UNC13C: variants seen among roughly 807,000 people sequenced by gnomAD.
UNC13C encodes the protein protein unc-13 homolog C.
A neutral mutation model predicts 245.4 loss-of-function variants in UNC13C; 174 were observed. The observed-to-expected ratio is 0.71, with a 90% confidence interval of 0.63 to 0.80. UNC13C has a LOEUF of 0.80. Ranked by LOEUF, UNC13C falls within the 30% of genes least tolerant of loss-of-function variation. The pLI, the probability that UNC13C is intolerant of heterozygous loss-of-function variation, is 0.00. For synonymous variants in UNC13C, 992 were observed against 895.1 expected, an observed-to-expected ratio of 1.11 and a Z score of -1.93; for missense variants, 2,829 against 2,602.9, an observed-to-expected ratio of 1.09 and a Z score of -1.89.
rs534793197 is a variant in UNC13C at position 54,358,783 on chromosome 15, A to G, written c.4713+20294A>G. On this transcript the variant is annotated intron_variant, in intron 17 of 32. Coordinates refer to ENST00000260323, the MANE Select transcript of UNC13C (RefSeq NM_001080534.3). ...AACAGGGATAATTTGACTTTCTCCT[A>G]TCCAATTTGGATGCCCTTTATCTCT... 8.5e-5 allele frequency among the ~76,000 whole-genome samples: 13 copies of G among 152,116 alleles called. No homozygotes were observed. In the South Asian group the frequency reaches 2.5e-3, roughly 29 times the overall value.
At chr15:53,895,602 C>T in the UNC13C span, among the ~76,000 whole-genome samples, 1 of 151,850 alleles carries the variant, frequency 6.6e-6, no homozygotes. Flanking sequence ...CATACAAATC[C>T]CTTGTAGACA....
In UNC13C at chr15:54,007,172, C is replaced by T. The variant is rs377543509; in HGVS notation, c.-256-5476C>T. On this transcript the variant is annotated intron_variant, in intron 1 of 32. Coordinates refer to ENST00000260323, the MANE Select transcript of UNC13C (RefSeq NM_001080534.3). ...GTGCTGTTGTATTGAAAAGCAGAGG[C>T]TTTCTTTCTATGTTCTTGTAGGAAA... Among the ~76,000 whole-genome samples the T allele has an allele frequency of 5.9e-5, 9 of 152,186 alleles. No homozygotes were observed. The South Asian group carries it at 1.9e-3, about 31-fold the overall frequency.
chr15:54,379,803 T>C (rs1205517853), intron 17 of UNC13C, among the ~76,000 whole-genome samples: 1 of 152,202 alleles, frequency 6.6e-6, no homozygotes, highest in African/African-American at 2.4e-5. Flanking sequence ...CTGTATAAGT[T>C]GCAATTCACA....
intron 17 of UNC13C, among the ~76,000 whole-genome samples, chr15:54,356,870 T>C (rs1191923835): frequency 6.6e-6 from 1 of 152,180 alleles, no homozygotes; most frequent in Non-Finnish European, 1.5e-5. Flanking sequence ...TTGATAAGTT[T>C]AAACATATTT....
chr15:54,294,194 A>G (rs562000823), intron 11 of UNC13C, 130 bp downstream of exon 11: 235 of 763,902 alleles, frequency 3.1e-4, no homozygotes, highest in Non-Finnish European at 3.7e-4. Context: ...ACTTTAGATG[A>G]TTCATTTCAT....
chr15:54,398,304 C>G (rs556439680), intron 18 of UNC13C, among the ~76,000 whole-genome samples: 1 of 151,472 alleles, frequency 6.6e-6, no homozygotes, highest in South Asian at 2.1e-4. Flanking sequence ...ACAATCTCCA[C>G]ATGGTCTTGA....
In UNC13C at chr15:54,546,833, G is replaced by T. The variant is rs1896504879; in HGVS notation, c.5808G>T (p.Leu1936=). 3.8e-6 allele frequency: 6 copies of T among 1,581,038 alleles called. No individual in the cohort carries two copies. Among genetic ancestry groups the T allele is most frequent in the Non-Finnish European group, 5.2e-6 (6 of 1,163,944 alleles). ...AAAAACAAATTGTTCTTCCTCCTCT[G>T]ACAGATCAAACAGTAAGTATATAAA... ...KIEKQIVLPP[L]TDQTGPQMIF... is the part of the protein sequence containing the mutation. The change falls in exon 27 of 33, where the codon CTG becomes CTT. Residue 1936 remains leucine, a synonymous_variant. Coordinates refer to ENST00000260323, the MANE Select transcript of UNC13C (RefSeq NM_001080534.3).
Position 54,471,313 on chromosome 15 carries a change from T to C in UNC13C, c.4934-23295T>C, listed in dbSNP as rs1050271333. The stretch of plus-strand genomic sequence containing the variant: ...AGGATACTGAAATTCCCTACAATGA[T>C]TGTGTTGCAGTCTGTGTCTCTCTTC... On this transcript the variant is annotated intron_variant, in intron 19 of 32. Transcript: ENST00000260323. Among the ~76,000 whole-genome samples, 4 of 151,786 alleles carry C rather than the reference T, an allele frequency of 2.6e-5. No individual in the cohort carries two copies. The East Asian group carries it at 7.7e-4, about 29-fold the overall frequency.
intron 7 of UNC13C, among the ~76,000 whole-genome samples, chr15:54,247,739 A>G (rs1483909018): frequency 6.6e-6 from 1 of 151,628 alleles, no homozygotes; most frequent in African/African-American, 2.4e-5. Context: ...ATTGCTTTTC[A>G]ATGGGCTGTC....
intron 19 of UNC13C, among the ~76,000 whole-genome samples, chr15:54,480,912 G>A (rs1270048118): frequency 6.6e-6 from 1 of 152,156 alleles, no homozygotes; most frequent in Non-Finnish European, 1.5e-5. Flanking sequence ...CAGATTAGCA[G>A]CAGATTTCTC....
intron 8 of UNC13C, among the ~76,000 whole-genome samples, chr15:54,257,769 C>T (rs528573702): frequency 7.2e-5 from 11 of 152,236 alleles, no homozygotes; most frequent in African/African-American, 2.6e-4. Flanking sequence ...TTTGATTCTA[C>T]AAGAAAAAGG....
At chr15:54,226,653 G>T (rs1412161747) in intron 4 of UNC13C, among the ~76,000 whole-genome samples, 1 of 152,232 alleles carries the variant, frequency 6.6e-6, no homozygotes, top group Non-Finnish European at 1.5e-5. Flanking sequence ...GTGTGTTGGA[G>T]AGCAAGCCTG....
Position 54,622,311 on chromosome 15 carries a change from C to T in UNC13C, c.6107-16C>T, listed in dbSNP as rs1397448472. Reference sequence around the variant, plus strand: ...AGTCTGAAAGCTCAGGCCAGTAAGCCTCTGCTTATTTTCAGGTCGTTCCTC... The same window carrying T: ...AGTCTGAAAGCTCAGGCCAGTAAGCTTCTGCTTATTTTCAGGTCGTTCCTC... On this transcript the variant is annotated splice_polypyrimidine_tract_variant and intron_variant, in intron 30 of 32. Coordinates refer to ENST00000260323, the MANE Select transcript of UNC13C (RefSeq NM_001080534.3). 1.4e-5 allele frequency: 22 copies of T among 1,595,942 alleles called. No individual in the cohort carries two copies. Among genetic ancestry groups the T allele is most frequent in the African/African-American group, 4.0e-5 (3 of 74,614 alleles).
the UNC13C span, among the ~76,000 whole-genome samples, chr15:53,937,521 G>A: frequency 1.3e-5 from 2 of 152,110 alleles, no homozygotes; most frequent in Non-Finnish European, 2.9e-5. Context: ...TCAAATTCAG[G>A]AAATGCAGAG....
At chr15:54,578,996 A>G (rs1898084078) in intron 30 of UNC13C, among the ~76,000 whole-genome samples, 1 of 152,208 alleles carries the variant, frequency 6.6e-6, no homozygotes, top group African/African-American at 2.4e-5. Flanking sequence ...GAAGGGAGAC[A>G]AGACAGGAGC....
At chr15:54,571,323 G>A (rs1897744306) in intron 30 of UNC13C, among the ~76,000 whole-genome samples, 1 of 152,136 alleles carries the variant, frequency 6.6e-6, no homozygotes, top group Non-Finnish European at 1.5e-5. Context: ...GTGTGCAGGG[G>A]AACTGCCGTT....
chr15:54,552,254 T>C (rs1896769912), intron 28 of UNC13C, among the ~76,000 whole-genome samples: 1 of 135,640 alleles, frequency 7.4e-6, no homozygotes, highest in Non-Finnish European at 1.5e-5. Context: ...AATTATATTA[T>C]ATATTACAAT....
chr15:54,075,811 CCT>C (rs1898582506), intron 2 of UNC13C, among the ~76,000 whole-genome samples: 1 of 143,870 alleles, frequency 7.0e-6, no homozygotes, highest in African/African-American at 2.5e-5. Flanking sequence ...GAAAACATTC[CCT>C]GTTTAACTAT....
intron 4 of UNC13C, among the ~76,000 whole-genome samples, chr15:54,170,257 TAATAA>T (rs1359037289): frequency 3.3e-5 from 5 of 152,096 alleles, no homozygotes; most frequent in Non-Finnish European, 7.4e-5. Flanking sequence ...TACAACGTGT[TAATAA>T]AATAGAGATT....
Sources: gnomAD v4.1 joint callset for allele counts (sites outside exome capture counted in the v4.1 genomes callset) on GRCh38, gnomAD v4.1.1 for gene constraint, MANE v1.5 for transcripts, NCBI Gene and HGNC (gene_info 2026-07-23, HGNC 2026-07-21) for gene names.